Variants in SLA2 observed in about 807,000 individuals in gnomAD.
The protein encoded by SLA2 is Src like adaptor 2, also known as src-like-adapter 2.
A neutral mutation model predicts 27.3 loss-of-function variants in SLA2; 22 were observed. The observed-to-expected ratio is 0.81, with a 90% CI of 0.58 to 1.15. SLA2 has a LOEUF of 1.15. Ranked by LOEUF, SLA2 falls within the 50% of genes most tolerant of loss-of-function variation. The pLI is 0.00. For missense variants in SLA2, 304 were observed against 322.2 expected (o/e 0.94, Z 0.43); for synonymous variants, 131 against 137.8 (o/e 0.95, Z 0.34).
chr20:36,627,359 C>G (rs997750502), intron 5 of SLA2, among the ~76,000 whole-genome samples: 1 of 152,172 alleles, frequency 6.6e-6, no homozygotes, highest in Non-Finnish European at 1.5e-5. Context: ...AGATAAGGAG[C>G]TGCATGTGAG....
intron 2 of SLA2, among the ~76,000 whole-genome samples, chr20:36,635,790 T>C (rs1205255024): frequency 6.6e-6 from 1 of 152,124 alleles, no homozygotes; most frequent in Admixed American, 6.6e-5. Context: ...CTGGAAGCCC[T>C]GGCCTTGCAC....
chr20:36,615,470 C>T, intron 5 of SLA2, 96 bp from the exon 6 acceptor site: 2 of 1,459,006 alleles, frequency 1.4e-6, no homozygotes, highest in Non-Finnish European at 9.4e-7. Context: ...GACCATGGGG[C>T]CCCGGCAGAA....
intron 5 of SLA2, among the ~76,000 whole-genome samples, chr20:36,623,909 A>T (rs1436470199): frequency 6.6e-6 from 1 of 152,166 alleles, no homozygotes; most frequent in Non-Finnish European, 1.5e-5. Flanking sequence ...CAACCAACCC[A>T]GCTGAACTAG....
At chr20:36,614,639 G>A in intron 6 of SLA2, 2 of 985,428 alleles carry the variant, frequency 2.0e-6, no homozygotes, top group Non-Finnish European at 2.4e-6. Context: ...GACAGTCACT[G>A]TATGATTTAG....
intron 2 of SLA2, among the ~76,000 whole-genome samples, chr20:36,638,463 G>A (rs1490939948): frequency 6.6e-6 from 1 of 151,392 alleles, no homozygotes; most frequent in Non-Finnish European, 1.5e-5. Context: ...AGAGTAGCTG[G>A]GACTACAGGT....
At position 36,615,277 on chromosome 20, in the gene SLA2, G is replaced by T; in HGVS notation, c.480C>A (p.Ile160=). The change falls in exon 6 of 8, where the codon ATC becomes ATA. Residue 160 remains isoleucine, a synonymous_variant. Transcript: ENST00000262866. ...GTGAGGGGAAGGTGAGGCGCGGTGAGATGTACAGCCAGCCATTGTCAAGGC... is the reference window on the plus strand; with the variant it reads ...GTGAGGGGAAGGTGAGGCGCGGTGATATGTACAGCCAGCCATTGTCAAGGC... ...IHCLDNGWLY[I]SPRLTFPSLQ... is the part of the protein sequence containing the mutation. 3 of 1,614,144 alleles carry T rather than the reference G, an allele frequency of 1.9e-6. No individual in the cohort carries two copies. The highest frequency in any genetic ancestry group is 2.5e-6 in the Non-Finnish European group (3 of 1,180,034).
intron 5 of SLA2, chr20:36,620,763 T>A (rs896987283): frequency 5.9e-6 from 1 of 169,392 alleles, no homozygotes; most frequent in Non-Finnish European, 1.3e-5. Context: ...AGAGACAGGG[T>A]TTCACCTTGT....
rs1428491066 is a variant in SLA2 at position 36,613,906 on chromosome 20, A to T, written c.746T>A (p.Ile249Asn). 1 of 1,614,008 alleles carries T rather than the reference A, an allele frequency of 6.2e-7. No homozygotes were observed. Among genetic ancestry groups the T allele is most frequent in the Non-Finnish European group, 8.5e-7 (1 of 1,179,950 alleles). ...EGLRESLSFY[I>N]SLNDEAVSLD... is the part of the protein sequence containing the mutation. ...AGAGACAGCCTCGTCATTCAGGCTG[A>T]TGTAGAAGCTGAGGGACTCCCGGAG... is the stretch of plus-strand genomic sequence containing the variant. The change falls in exon 8 of 8, where the codon ATC becomes AAC. Residue 249 changes from isoleucine to asparagine, a missense_variant. Coordinates refer to ENST00000262866, the MANE Select transcript of SLA2 (RefSeq NM_032214.4).
chr20:36,643,093 A>G (rs1034546845), intron 1 of SLA2, among the ~76,000 whole-genome samples: 1 of 152,208 alleles, frequency 6.6e-6, no homozygotes, highest in Non-Finnish European at 1.5e-5. Context: ...GAGGACAAAG[A>G]CTTCTTTTGT....
intron 5 of SLA2, among the ~76,000 whole-genome samples, chr20:36,618,906 CAAAAAAAAAAA>C (rs35436767): frequency 3.7e-4 from 15 of 40,368 alleles, no homozygotes; most frequent in South Asian, 1.6e-3. Flanking sequence ...AACTCCATCT[CAAAAAAAAAAA>C]AAAAAAAAAA....
chr20:36,632,528 A>G (rs1011398053), intron 5 of SLA2, 67 bp downstream of exon 5: 8 of 1,270,556 alleles, frequency 6.3e-6, no homozygotes, highest in South Asian at 3.6e-5. Context: ...CTGCAGCCAT[A>G]TATCTGTGGG....
intron 5 of SLA2, among the ~76,000 whole-genome samples, chr20:36,618,506 G>T (rs1438718736): frequency 6.6e-6 from 1 of 151,926 alleles, no homozygotes; most frequent in Non-Finnish European, 1.5e-5. Flanking sequence ...AAAGTGCTGG[G>T]TTTACAGCTG....
chr20:36,623,332 TAA>T (rs2039304829), intron 5 of SLA2, among the ~76,000 whole-genome samples: 3 of 149,678 alleles, frequency 2.0e-5, no homozygotes, highest in Admixed American at 1.3e-4. Context: ...ATTTTCCATC[TAA>T]GATTGGGAAC....
chr20:36,635,260 T>A (rs1459393602), intron 2 of SLA2, among the ~76,000 whole-genome samples: 2 of 151,594 alleles, frequency 1.3e-5, no homozygotes, highest in African/African-American at 2.4e-5. Context: ...CACCCTAGCA[T>A]CCCTCCCTTC....
chr20:36,616,122 G>A (rs1488183630), intron 5 of SLA2, among the ~76,000 whole-genome samples: 1 of 152,112 alleles, frequency 6.6e-6, no homozygotes, highest in Non-Finnish European at 1.5e-5. Flanking sequence ...GCAAAGCTCT[G>A]AAGAAAAGCA....
chr20:36,620,602 G>A (rs991813308), intron 5 of SLA2: 3 of 122,716 alleles, frequency 2.4e-5, no homozygotes, highest in Non-Finnish European at 4.7e-5. Context: ...CAGAGTCTCC[G>A]TCTGTTGCCC....
intron 5 of SLA2, among the ~76,000 whole-genome samples, chr20:36,615,806 A>G (rs986395344): frequency 1.3e-5 from 2 of 152,168 alleles, no homozygotes. Flanking sequence ...CTGAACATGC[A>G]CGTACCTTAC....
intron 5 of SLA2, chr20:36,620,948 TA>T: frequency 3.1e-6 from 1 of 325,584 alleles, no homozygotes; most frequent in East Asian, 7.5e-5. Flanking sequence ...TGCTGGATGG[TA>T]AGTAGTCGTG....
intron 5 of SLA2, among the ~76,000 whole-genome samples, chr20:36,626,459 G>A (rs2147986178): frequency 6.6e-6 from 1 of 152,080 alleles, no homozygotes; most frequent in Admixed American, 6.6e-5. Context: ...AGCTACTCAG[G>A]AGGCTGAGGT....
Sources: gnomAD v4.1 joint callset for allele counts (sites outside exome capture counted in the v4.1 genomes callset) on GRCh38, gnomAD v4.1.1 for gene constraint, MANE v1.5 for transcripts, NCBI Gene and HGNC (gene_info 2026-07-23, HGNC 2026-07-21) for gene names.